The following FRYL variants were observed in gnomAD, a reference collection of about 807,000 sequenced individuals.
FRYL encodes the protein FRY like transcription coactivator, also known as protein furry homolog-like.
Under a neutral mutation model 351.2 loss-of-function variants are expected in FRYL, and 150 were observed. The ratio of observed to expected loss-of-function variants is 0.43; its 90% CI spans 0.37 to 0.49. The LOEUF (loss-of-function observed/expected upper bound fraction) is 0.49. FRYL is among the 20% of genes least tolerant of loss of function. FRYL has a pLI of 0.00. For synonymous variants in FRYL, 1,153 were observed against 1,257.1 expected (o/e 0.92, Z 1.75); for missense variants, 3,036 against 3,619.3 (o/e 0.84, Z 4.13).
chr4:48,621,842 C>T (rs1008061265), intron 5 of FRYL, among the ~76,000 whole-genome samples: 23 of 152,072 alleles, frequency 1.5e-4, no homozygotes, highest in African/African-American at 5.1e-4. Context: ...ATTACTTGTA[C>T]TCTCCTTTAA....
chr4:48,537,329 T>C (rs1729100298), intron 47 of FRYL, among the ~76,000 whole-genome samples: 1 of 152,212 alleles, frequency 6.6e-6, no homozygotes, highest in Non-Finnish European at 1.5e-5. Context: ...AATTTTGGAA[T>C]TTTTGAAATG....
chr4:48,547,876 G>A, intron 40 of FRYL, 107 bp from the exon 41 acceptor site: 1 of 720,164 alleles, frequency 1.4e-6, no homozygotes, highest in Non-Finnish European at 2.1e-6. Flanking sequence ...AAGATTTCAT[G>A]GAAGGTGACA....
chr4:48,727,245 T>C (rs1176404439), intron 1 of FRYL, among the ~76,000 whole-genome samples: 1 of 152,164 alleles, frequency 6.6e-6, no homozygotes, highest in Admixed American at 6.5e-5. Context: ...GTCTGGTTTC[T>C]GATCTGACCT....
Position 48,586,706 on chromosome 4 carries a change from C to T in FRYL, c.1663G>A (p.Asp555Asn). The T allele has an allele frequency of 6.2e-7, 1 of 1,609,434 alleles. No individual in the cohort carries two copies. Among genetic ancestry groups the T allele is most frequent in the Non-Finnish European group, 8.5e-7 (1 of 1,178,048 alleles). The change falls in exon 19 of 64, where the codon GAT becomes AAT. Residue 555 changes from aspartate (D) to asparagine (N), a missense_variant. Asp to Asn is a conservative substitution (Grantham distance 23). Around this residue, in one of 7 missense-constraint regions of FRYL, gnomAD observed 78 missense variants for 106.6 expected, o/e 0.73. Coordinates refer to ENST00000358350, the MANE Select transcript of FRYL (RefSeq NM_015030.2). ...MITGERKPKI[D>N]LFRTCIAAIP... ...GCAGCAATACAAGTTCTAAACAAAT[C>T]AATCTTGGGTTTTCTTTCCCCCCTG...
At chr4:48,762,559 G>A (rs1774523242) in intron 1 of FRYL, among the ~76,000 whole-genome samples, 2 of 152,192 alleles carry the variant, frequency 1.3e-5, no homozygotes, top group South Asian at 4.1e-4. Flanking sequence ...CTTTGGTGTT[G>A]AGGTGATTGG....
At chr4:48,757,102 A>C (rs1202376896) in intron 1 of FRYL, among the ~76,000 whole-genome samples, 4 of 152,220 alleles carry the variant, frequency 2.6e-5, no homozygotes, top group Non-Finnish European at 4.4e-5. Context: ...AGTGGGAAAG[A>C]AAAAGAAACA....
chr4:48,713,875 A>C (rs1352495258), intron 1 of FRYL, among the ~76,000 whole-genome samples: 2 of 152,210 alleles, frequency 1.3e-5, no homozygotes, highest in African/African-American at 2.4e-5. Flanking sequence ...TTGGAAGTAA[A>C]GCTCTTCTCA....
intron 2 of FRYL, among the ~76,000 whole-genome samples, chr4:48,698,360 G>C (rs1766406871): frequency 6.6e-6 from 1 of 152,162 alleles, no homozygotes; most frequent in African/African-American, 2.4e-5. Flanking sequence ...ACATATTCAG[G>C]TGTTAATAAA....
chr4:48,719,261 T>C (rs1364354204), intron 1 of FRYL, among the ~76,000 whole-genome samples: 1 of 151,696 alleles, frequency 6.6e-6, no homozygotes, highest in Non-Finnish European at 1.5e-5. Context: ...AACTCTTTGC[T>C]CTGTGCAAAT....
intron 52 of FRYL, 125 bp downstream of exon 52, chr4:48,527,846 T>G: frequency 1.0e-6 from 1 of 1,003,626 alleles, no homozygotes; most frequent in African/African-American, 1.6e-5. Context: ...TAAGAAATCT[T>G]TTTTTCATTC....
At chr4:48,677,756 G>A (rs1763958057) in intron 3 of FRYL, among the ~76,000 whole-genome samples, 1 of 152,144 alleles carries the variant, frequency 6.6e-6, no homozygotes. Context: ...AAAGAAGTTG[G>A]AAACAACTGA....
intron 1 of FRYL, among the ~76,000 whole-genome samples, chr4:48,743,127 A>C (rs1167822388): frequency 6.6e-6 from 1 of 151,828 alleles, no homozygotes; most frequent in African/African-American, 2.4e-5. Flanking sequence ...ACAATCTGAG[A>C]TGTTTAAAGG....
chr4:48,736,218 T>A (rs570063302), intron 1 of FRYL, among the ~76,000 whole-genome samples: 2 of 151,916 alleles, frequency 1.3e-5, no homozygotes, highest in Non-Finnish European at 2.9e-5. Flanking sequence ...ACAAATGAAA[T>A]GCTTAGGGGG....
intron 31 of FRYL, among the ~76,000 whole-genome samples, chr4:48,563,279 TA>T (rs775777275): frequency 0.032 from 3,970 of 126,004 alleles, 90 homozygotes; most frequent in African/African-American, 0.076. Context: ...GCTGATGAAC[TA>T]AAAAAAAAAA....
At chr4:48,775,324 G>C (rs1775902347) in intron 1 of FRYL, among the ~76,000 whole-genome samples, 1 of 152,236 alleles carries the variant, frequency 6.6e-6, no homozygotes, top group South Asian at 2.1e-4. Flanking sequence ...TAAGGTTCCT[G>C]CTCAGAGGAG....
chr4:48,637,388 G>A (rs1408107898), intron 3 of FRYL: 1 of 152,018 alleles, frequency 6.6e-6, no homozygotes, highest in Admixed American at 6.6e-5. Flanking sequence ...CCAAGTAGAA[G>A]AAGAAAAGCT....
chr4:48,577,414 A>C (rs1471002365), intron 23 of FRYL, among the ~76,000 whole-genome samples: 1 of 152,248 alleles, frequency 6.6e-6, no homozygotes, highest in East Asian at 1.9e-4. Context: ...TTGTTAATTC[A>C]GCAAGAGCAT....
intron 1 of FRYL, among the ~76,000 whole-genome samples, chr4:48,720,148 CAA>C (rs111735468): frequency 6.0e-5 from 7 of 117,176 alleles, no homozygotes; most frequent in African/African-American, 9.0e-5. Flanking sequence ...GACTCCATCT[CAA>C]AAAAAAAAAA....
intron 3 of FRYL, among the ~76,000 whole-genome samples, chr4:48,640,580 T>C (rs1437421821): frequency 6.6e-6 from 1 of 152,142 alleles, no homozygotes; most frequent in Non-Finnish European, 1.5e-5. Flanking sequence ...TGGATACATG[T>C]CATTATACAT....
Sources: gnomAD v4.1 joint callset for allele counts (sites outside exome capture counted in the v4.1 genomes callset) on GRCh38, gnomAD v4.1.1 for gene constraint, gnomAD v4.1.1 regional missense constraint, MANE v1.5 for transcripts, NCBI Gene and HGNC (gene_info 2026-07-23, HGNC 2026-07-21) for gene names.